Variants in SGIP1 observed in about 807,000 individuals in gnomAD.
The protein encoded by SGIP1 is SH3GL interacting endocytic adaptor 1, also known as SH3-containing GRB2-like protein 3-interacting protein 1.
In SGIP1, 38 loss-of-function variants were observed where a neutral mutation model predicts 107.5. That is an observed-to-expected ratio of 0.35 (90% confidence interval 0.27 to 0.46). The LOEUF is 0.46. SGIP1 is among the 20% of genes least tolerant of loss of function. The probability of loss-of-function intolerance (pLI) is 1.00; values close to 1 mark genes in which losing one functional copy is unlikely to be tolerated. For missense variants in SGIP1, 929 were observed against 1,019.5 expected, an observed-to-expected ratio of 0.91 and a Z score of 1.21; for synonymous variants, 365 against 366.1, an observed-to-expected ratio of 1.00 and a Z score of 0.03.
At chr1:66,600,081 G>T (rs774864545) in intron 1 of SGIP1, among the ~76,000 whole-genome samples, 1 of 152,090 alleles carries the variant, frequency 6.6e-6, no homozygotes, top group African/African-American at 2.4e-5. Flanking sequence ...CAGCTTTCTC[G>T]GGCTCAGTGA....
At chr1:66,556,512 C>T (rs1019089571) in intron 1 of SGIP1, among the ~76,000 whole-genome samples, 18 of 152,058 alleles carry the variant, frequency 1.2e-4, no homozygotes, top group Non-Finnish European at 2.5e-4. Flanking sequence ...TTCACAAAAG[C>T]GTGTGCAGAC....
chr1:66,563,243 G>C (rs571345841), intron 1 of SGIP1, among the ~76,000 whole-genome samples: 1 of 152,050 alleles, frequency 6.6e-6, no homozygotes, highest in Admixed American at 6.6e-5. Context: ...TCTCAGGGCC[G>C]GCACGGGAGG....
intron 1 of SGIP1, among the ~76,000 whole-genome samples, chr1:66,567,687 G>A (rs1010404852): frequency 6.6e-6 from 1 of 152,100 alleles, no homozygotes; most frequent in African/African-American, 2.4e-5. Flanking sequence ...TGTATAAGGT[G>A]TAAGGAAGGG....
chr1:66,690,542 A>G, intron 17 of SGIP1: 1 of 559,136 alleles, frequency 1.8e-6, no homozygotes, highest in East Asian at 3.1e-5. Context: ...GTTTTGCAGG[A>G]ATTTTCTTAT....
In SGIP1 at chr1:66,681,918, C is replaced by T. The variant is rs778592359; in HGVS notation, c.864C>T (p.Ile288=). The change falls in exon 15 of 25, where the codon ATC becomes ATT. Residue 288 remains isoleucine (I), a synonymous_variant. Coordinates refer to ENST00000371037, the MANE Select transcript of SGIP1 (RefSeq NM_032291.4). ...TEVKIEKLPS[I]NDLDSIFGPV... is the part of the protein sequence containing the mutation. ...TCAAAATTGAAAAACTACCATCCAT[C>T]AATGACTTGGACAGCATTTTTGGGC... 3.1e-6 allele frequency: 5 copies of T among 1,614,064 alleles called. 1 individual carries two copies. Among genetic ancestry groups the T allele is most frequent in the Non-Finnish European group, 4.2e-6 (5 of 1,179,976 alleles).
chr1:66,534,142 T>C (rs1421496158), upstream of SGIP1: 5 of 605,016 alleles, frequency 8.3e-6, no homozygotes, highest in Non-Finnish European at 3.0e-6. Flanking sequence ...TTCCTCTCCC[T>C]TTCTCTCAGC....
intron 1 of SGIP1, among the ~76,000 whole-genome samples, chr1:66,547,952 G>A (rs1379988482): frequency 6.6e-6 from 1 of 152,138 alleles, no homozygotes; most frequent in African/African-American, 2.4e-5. Context: ...GTAGGGTGAA[G>A]TGCCTGGGCC....
At chr1:66,624,708 A>G (rs2072166370) in intron 1 of SGIP1, among the ~76,000 whole-genome samples, 1 of 152,218 alleles carries the variant, frequency 6.6e-6, no homozygotes, top group South Asian at 2.1e-4. Flanking sequence ...CAAATTTGAA[A>G]TATCAGTGAC....
At chr1:66,566,548 G>A (rs2148526813) in intron 1 of SGIP1, among the ~76,000 whole-genome samples, 1 of 151,964 alleles carries the variant, frequency 6.6e-6, no homozygotes, top group East Asian at 1.9e-4. Context: ...GTGTTGACCT[G>A]AATTGCAGTC....
chr1:66,633,196 T>C (rs373159877), intron 3 of SGIP1, 102 bp downstream of exon 3: 52 of 773,230 alleles, frequency 6.7e-5, no homozygotes, highest in East Asian at 3.5e-4. Context: ...AAAAAATAGC[T>C]TGAATGACTT....
intron 18 of SGIP1, among the ~76,000 whole-genome samples, chr1:66,699,002 C>T (rs1028883962): frequency 6.6e-6 from 1 of 151,858 alleles, no homozygotes; most frequent in Non-Finnish European, 1.5e-5. Flanking sequence ...TAGCCTCTTA[C>T]ATCTCACACA....
chr1:66,547,872 G>A (rs150899098), intron 1 of SGIP1, among the ~76,000 whole-genome samples: 125 of 152,266 alleles, frequency 8.2e-4, no homozygotes, highest in African/African-American at 2.7e-3. Context: ...CTGAGAAGGG[G>A]CACTTGAACT....
intron 8 of SGIP1, among the ~76,000 whole-genome samples, chr1:66,664,836 G>C (rs12039010): frequency 0.14 from 21,324 of 152,170 alleles, 2,312 homozygotes; most frequent in East Asian, 0.52. Context: ...CTAGTCACTC[G>C]TGTTTATATC....
rs1338287386 is a variant in SGIP1 at position 66,746,492 on chromosome 1, C to T, written c.*3397C>T. 1.3e-5 allele frequency: 2 copies of T among 152,066 alleles called. No individual in the cohort carries two copies. Among genetic ancestry groups the T allele is most frequent in the Non-Finnish European group, 2.9e-5 (2 of 67,968 alleles). 9.4% of individuals were successfully genotyped at this position (152,066 alleles called of 1,614,324 possible). A position where few individuals can be genotyped will look rare whatever the true frequency, so the allele number is the denominator to read the frequency against. ...GTTGTAATTTACTCAGATAAACCAC[C>T]TTTTGAGGCTTTATAAGCAAACTTG... is the stretch of plus-strand genomic sequence containing the variant. On this transcript the variant is annotated 3_prime_UTR_variant, in exon 25 of 25. Coordinates refer to ENST00000371037, the MANE Select transcript of SGIP1 (RefSeq NM_032291.4).
chr1:66,551,285 T>C (rs913543344), intron 1 of SGIP1, among the ~76,000 whole-genome samples: 1 of 152,172 alleles, frequency 6.6e-6, no homozygotes, highest in African/African-American at 2.4e-5. Context: ...AAATTTGCAA[T>C]GCCATTTTCA....
At chr1:66,634,198 G>A (rs548950395) in intron 3 of SGIP1, 15 of 1,571,942 alleles carry the variant, frequency 9.5e-6, no homozygotes, top group African/African-American at 4.0e-5. Context: ...CTTTGCTTCC[G>A]GCTTGGTCCC....
intron 1 of SGIP1, among the ~76,000 whole-genome samples, chr1:66,553,984 T>C (rs2057814332): frequency 6.6e-6 from 1 of 152,106 alleles, no homozygotes; most frequent in African/African-American, 2.4e-5. Flanking sequence ...ACAGGCCTCA[T>C]TTATTCATTG....
At chr1:66,716,686 T>C (rs1046616647) in intron 18 of SGIP1, among the ~76,000 whole-genome samples, 11 of 152,114 alleles carry the variant, frequency 7.2e-5, no homozygotes, top group African/African-American at 2.4e-4. Flanking sequence ...CCTCAGGAAA[T>C]TTATGATTCT....
At chr1:66,689,375 C>A in intron 16 of SGIP1, 100 bp downstream of exon 16, 5 of 1,424,308 alleles carry the variant, frequency 3.5e-6, no homozygotes, top group South Asian at 1.5e-5. Context: ...CTCGTACAAA[C>A]AACCCTGACA....
Sources: allele counts gnomAD v4.1 joint callset (sites outside exome capture counted in the v4.1 genomes callset), GRCh38; gene constraint gnomAD v4.1.1; transcripts MANE v1.5; gene names NCBI Gene and HGNC (gene_info 2026-07-23, HGNC 2026-07-21).